Variants in TTC8 observed in about 807,000 individuals in gnomAD.
TTC8 encodes tetratricopeptide repeat protein 8.
Under a neutral mutation model 72.5 loss-of-function variants are expected in TTC8, and 47 were observed. That is an observed-to-expected ratio of 0.65 (90% CI 0.51 to 0.83). TTC8 has a LOEUF of 0.83. Ranked by LOEUF, TTC8 falls within the 40% of genes least tolerant of loss-of-function variation. The pLI is 0.00. For missense variants in TTC8, 611 were observed against 623.2 expected (o/e 0.98, Z 0.21); for synonymous variants, 199 against 221.4 (o/e 0.90, Z 0.90).
chr14:88,858,990 C>T (rs906354361), intron 9 of TTC8, among the ~76,000 whole-genome samples: 1 of 151,996 alleles, frequency 6.6e-6, no homozygotes, highest in African/African-American at 2.4e-5. Flanking sequence ...CACTATTTGA[C>T]TATCATCTTA....
At chr14:88,873,646 G>A (rs756616447) in intron 13 of TTC8, among the ~76,000 whole-genome samples, 20 of 152,190 alleles carry the variant, frequency 1.3e-4, no homozygotes, top group Non-Finnish European at 2.4e-4. Context: ...TTGTTTGTGA[G>A]TGTTAGATCA....
At chr14:88,867,276 T>C (rs1387306960) in intron 10 of TTC8, among the ~76,000 whole-genome samples, 9 of 152,162 alleles carry the variant, frequency 5.9e-5, no homozygotes, top group Non-Finnish European at 1.2e-4. Flanking sequence ...AAAGGAAACA[T>C]ATGCTTGAAC....
Position 88,841,132 on chromosome 14 carries a change from C to T in TTC8, c.425C>T (p.Pro142Leu). Residue 142 changes from proline (P) to leucine (L), a missense_variant, in exon 5 of 15, where the codon CCC becomes CTC. Transcript: ENST00000380656. Reference sequence around the variant, plus strand: ...ACTATGGAACAGGCTATCAGAACACCCAGAACCGCCTACACAGCCCGCCCT... The same window carrying T: ...ACTATGGAACAGGCTATCAGAACACTCAGAACCGCCTACACAGCCCGCCCT... ...PGTMEQAIRTPRTAYTARPIT... is the reference protein window; with the variant it reads ...PGTMEQAIRTLRTAYTARPIT... The T allele has an allele frequency of 1.2e-6, 2 of 1,614,088 alleles. No individual in the cohort carries two copies. The highest frequency in any genetic ancestry group is 1.7e-6 in the Non-Finnish European group (2 of 1,180,004).
At chr14:88,836,765 G>A (rs1453884081) in intron 2 of TTC8, 1 of 152,266 alleles carries the variant, frequency 6.6e-6, no homozygotes, top group Non-Finnish European at 1.5e-5. Flanking sequence ...AAAACTTGAT[G>A]TTTAAAACTT....
At chr14:88,842,221 G>A (rs930320888) in intron 6 of TTC8, among the ~76,000 whole-genome samples, 4 of 152,168 alleles carry the variant, frequency 2.6e-5, no homozygotes, top group Non-Finnish European at 5.9e-5. Context: ...CCTAGCTCAG[G>A]TTTTTAGCTG....
chr14:88,866,393 A>ACG (rs2094909363), intron 10 of TTC8, among the ~76,000 whole-genome samples: 2 of 151,194 alleles, frequency 1.3e-5, no homozygotes, highest in Non-Finnish European at 2.9e-5. Flanking sequence ...ACACACACAC[A>ACG]CACACACACA....
chr14:88,852,923 T>C (rs1282233020), intron 7 of TTC8, 48 bp from the exon 8 acceptor site: 6 of 1,478,118 alleles, frequency 4.1e-6, no homozygotes, highest in Non-Finnish European at 5.7e-6. Context: ...TCCTGACTGC[T>C]TATTGTTAGA....
chr14:88,871,415 C>T lies in TTC8; in HGVS notation c.1050-134C>T, dbSNP rs892946111. ...AAACATTTTTTCATTTACTATAACA[C>T]GTATTTATATTCTTAAGGAGTATCA... On this transcript the variant is annotated intron_variant, in intron 11 of 14. Coordinates refer to ENST00000380656, the MANE Select transcript of TTC8 (RefSeq NM_144596.4). This position sits in a 1 kb window ranked among gnomAD's most constrained non-coding sequence, Gnocchi z 4.1. 20 of 785,050 alleles carry T rather than the reference C, an allele frequency of 2.5e-5. No individual in the cohort carries two copies. Among genetic ancestry groups the T allele is most frequent in the South Asian group, 9.8e-5 (6 of 61,478 alleles). The allele number at this position is 785,050 out of a possible 1,614,324, so 48.6% of individuals were successfully genotyped here. A position where few individuals can be genotyped will look rare whatever the true frequency, so the allele number is the denominator to read the frequency against.
intron 1 of TTC8, among the ~76,000 whole-genome samples, chr14:88,828,818 A>C (rs2094713411): frequency 6.6e-6 from 1 of 152,200 alleles, no homozygotes; most frequent in African/African-American, 2.4e-5. Flanking sequence ...GACTATTTAT[A>C]TGCATTTATT....
At chr14:88,847,436 A>G (rs1490196030) in intron 7 of TTC8, among the ~76,000 whole-genome samples, 1 of 152,234 alleles carries the variant, frequency 6.6e-6, no homozygotes, top group Non-Finnish European at 1.5e-5. Flanking sequence ...AGTAAAAACT[A>G]TTGAGAACTG....
intron 11 of TTC8, among the ~76,000 whole-genome samples, chr14:88,870,805 G>C (rs1472467180): frequency 6.6e-6 from 1 of 152,178 alleles, no homozygotes; most frequent in Admixed American, 6.5e-5. Flanking sequence ...GCTGACAAGG[G>C]TTCTTTCCAA....
chr14:88,880,227 T>G (rs1213604752), downstream of TTC8: 1 of 152,204 alleles, frequency 6.6e-6, no homozygotes, highest in African/African-American at 2.4e-5. Context: ...TCCAAAATGG[T>G]CATCTAGGCT....
intron 6 of TTC8, among the ~76,000 whole-genome samples, chr14:88,842,342 G>T (rs1441934534): frequency 1.3e-5 from 2 of 152,174 alleles, no homozygotes; most frequent in Non-Finnish European, 2.9e-5. Flanking sequence ...ATGGACACTA[G>T]CTGTACAGAC....
At chr14:88,844,209 A>G (rs1215725198) in intron 7 of TTC8, among the ~76,000 whole-genome samples, 1 of 152,146 alleles carries the variant, frequency 6.6e-6, no homozygotes, top group Non-Finnish European at 1.5e-5. Context: ...TAACATGCAT[A>G]TTTCTGTTAT....
At chr14:88,840,407 T>C (rs1481820642) in intron 3 of TTC8, 1 of 163,436 alleles carries the variant, frequency 6.1e-6, no homozygotes, top group Non-Finnish European at 1.3e-5. Flanking sequence ...ATTTTTATGT[T>C]AATATATCTT....
chr14:88,863,256 C>A (rs1471771172), intron 10 of TTC8, among the ~76,000 whole-genome samples: 1 of 152,130 alleles, frequency 6.6e-6, no homozygotes, highest in African/African-American at 2.4e-5. Flanking sequence ...TAGTACTCAG[C>A]CAGCAGTTGT....
intron 3 of TTC8, 79 bp from the exon 4 acceptor site, chr14:88,840,782 GCAAT>G: frequency 3.6e-6 from 5 of 1,393,036 alleles, no homozygotes; most frequent in Non-Finnish European, 5.0e-6. Context: ...CCAGGCCAGC[GCAAT>G]TCTGAAAATT....
chr14:88,858,877 C>T (rs1395058071), intron 9 of TTC8, among the ~76,000 whole-genome samples: 1 of 145,842 alleles, frequency 6.9e-6, no homozygotes, highest in African/African-American at 2.5e-5. Context: ...GCTAGAATTA[C>T]AGGTGTGAGC....
At chr14:88,866,833 T>C (rs960543723) in intron 10 of TTC8, among the ~76,000 whole-genome samples, 4 of 152,112 alleles carry the variant, frequency 2.6e-5, no homozygotes, top group Non-Finnish European at 4.4e-5. Context: ...AGGAGGGCAG[T>C]GTTCCACCCA....
Sources: allele counts gnomAD v4.1 joint callset (sites outside exome capture counted in the v4.1 genomes callset), GRCh38; gene constraint gnomAD v4.1.1; non-coding constraint Gnocchi (gnomAD v3.1); transcripts MANE v1.5; gene names NCBI Gene and HGNC (gene_info 2026-07-23, HGNC 2026-07-21).